ABHD4: variants seen among roughly 807,000 people sequenced by gnomAD.
ABHD4 encodes (Lyso)-N-acylphosphatidylethanolamine lipase.
A neutral mutation model predicts 42.3 loss-of-function variants in ABHD4; 35 were observed. The observed-to-expected ratio is 0.83, with a 90% CI of 0.63 to 1.10. ABHD4 has a LOEUF of 1.10. Among genes scored for constraint, ABHD4 ranks in the 50% least tolerant of loss-of-function variants. The probability of loss-of-function intolerance (pLI) is 0.00; values close to 1 mark genes in which losing one functional copy is unlikely to be tolerated. For synonymous variants in ABHD4, 169 were observed against 170.6 expected, an observed-to-expected ratio of 0.99 and a Z score of 0.07; for missense variants, 389 against 454.8, an observed-to-expected ratio of 0.86 and a Z score of 1.32.
chr14:22,598,861 G>A (rs1403775242), intron 1 of ABHD4: 1 of 198,276 alleles, frequency 5.0e-6, no homozygotes, highest in Non-Finnish European at 1.0e-5. Flanking sequence ...GAGACACGTA[G>A]CCGCATGTGA....
intron 5 of ABHD4, among the ~76,000 whole-genome samples, chr14:22,609,105 C>A (rs554683757): frequency 1.4e-4 from 22 of 152,172 alleles, no homozygotes; most frequent in Admixed American, 1.3e-3. Context: ...TCAAGCAATT[C>A]TCCTACCTCA....
chr14:22,605,664 T>C (rs935444996), intron 4 of ABHD4: 2 of 431,606 alleles, frequency 4.6e-6, no homozygotes, highest in African/African-American at 4.1e-5. Flanking sequence ...AGAGCTATCA[T>C]AGTTGGGGAA....
At position 22,610,886 on chromosome 14, in the gene ABHD4, T is replaced by A; in HGVS notation, c.967T>A (p.Tyr323Asn). Residue 323 changes from tyrosine to asparagine, a missense_variant, in exon 7 of 7, where the codon TAT becomes AAT. Transcript: ENST00000428304. ...GATTAAGGGTGCCTCCCACCATGTC[T>A]ATGCTGACCAGCCACACATCTTCAA... ...MEIKGASHHV[Y>N]ADQPHIFNAV... 3 of 1,614,148 alleles carry A rather than the reference T, an allele frequency of 1.9e-6. No individual in the cohort carries two copies. The South Asian group carries it at 3.3e-5, about 18-fold the overall frequency.
chr14:22,601,796 C>G (rs1261737085), intron 2 of ABHD4, 41 bp downstream of exon 2: 1 of 1,561,780 alleles, frequency 6.4e-7, no homozygotes, highest in Admixed American at 1.7e-5. Context: ...CCTCATGGAG[C>G]CCAAGAAGGA....
chr14:22,603,646 G>C lies in ABHD4; in HGVS notation c.369G>C (p.Glu123Asp). 1 of 1,614,160 alleles carries C rather than the reference G, an allele frequency of 6.2e-7. No individual in the cohort carries two copies. Among genetic ancestry groups the C allele is most frequent in the Non-Finnish European group, 8.5e-7 (1 of 1,180,030 alleles). ...FPRDPEGAED[E>D]FVTSIETWRE... ...GGGACCCGGAGGGGGCTGAGGATGAGTTTGTGACATCGATAGAGACATGGC... is the reference window on the plus strand; with the variant it reads ...GGGACCCGGAGGGGGCTGAGGATGACTTTGTGACATCGATAGAGACATGGC... Residue 123 changes from glutamate to aspartate, a missense_variant, in exon 3 of 7, where the codon GAG becomes GAC. By Grantham distance (45) the Glu-to-Asp change is conservative (BLOSUM62 2). Around this residue, in one of 3 missense-constraint regions of ABHD4, gnomAD observed 38 missense variants for 72.1 expected, o/e 0.53. Coordinates refer to ENST00000428304, the MANE Select transcript of ABHD4 (RefSeq NM_022060.3).
chr14:22,603,845 T>A, intron 3 of ABHD4, 80 bp from the exon 4 acceptor site: 1 of 1,587,170 alleles, frequency 6.3e-7, no homozygotes, highest in Admixed American at 1.7e-5. Context: ...CAAACTTCTC[T>A]CATTCCCAGG....
chr14:22,604,112 G>T, intron 4 of ABHD4, 33 bp downstream of exon 4: 1 of 1,607,148 alleles, frequency 6.2e-7, no homozygotes, highest in Non-Finnish European at 8.5e-7. Context: ...TTAAAGGAAG[G>T]CTATAACGTT....
chr14:22,606,001 G>A, intron 4 of ABHD4: 3 of 443,362 alleles, frequency 6.8e-6, no homozygotes, highest in Non-Finnish European at 8.5e-6. Context: ...GTCGGGAGGT[G>A]GTCTAGTTCC....
At chr14:22,601,538 G>C in intron 1 of ABHD4, 129 bp from the exon 2 acceptor site, 1 of 770,770 alleles carries the variant, frequency 1.3e-6, no homozygotes, top group Non-Finnish European at 2.2e-6. Flanking sequence ...GCCTGCCATG[G>C]GGGGCAGGTC....
intron 1 of ABHD4, chr14:22,599,987 C>A: frequency 3.4e-6 from 1 of 294,894 alleles, no homozygotes; most frequent in Non-Finnish European, 6.9e-6. Context: ...TTGCAAAACA[C>A]TGGGAATGTA....
At chr14:22,606,329 G>C (rs751568145) in intron 4 of ABHD4, 93 bp from the exon 5 acceptor site, 4 of 809,950 alleles carry the variant, frequency 4.9e-6, no homozygotes, top group Non-Finnish European at 8.3e-6. Flanking sequence ...GAGAAATAAG[G>C]TTTAGTTAAA....
At chr14:22,609,497 G>T in intron 5 of ABHD4, 1 of 472,544 alleles carries the variant, frequency 2.1e-6, no homozygotes, top group Admixed American at 3.6e-5. Context: ...CAGATTCTTG[G>T]ACAGTTCGTA....
chr14:22,605,684 C>A, intron 4 of ABHD4: 4 of 506,872 alleles, frequency 7.9e-6, no homozygotes, highest in South Asian at 6.5e-5. Flanking sequence ...AGTTGGCCAG[C>A]AGCCATGAGG....
intron 2 of ABHD4, among the ~76,000 whole-genome samples, chr14:22,602,528 A>T (rs2037297830): frequency 6.6e-6 from 1 of 152,072 alleles, no homozygotes; most frequent in African/African-American, 2.4e-5. Context: ...GCCCCACCTC[A>T]GTCTCTCACC....
Position 22,609,782 on chromosome 14 carries a change from C to G in ABHD4, c.811C>G (p.Leu271Val), listed in dbSNP as rs1479319459. The change falls in exon 6 of 7, where the codon CTG becomes GTG. Residue 271 changes from leucine to valine, a missense_variant. By Grantham distance (32) the Leu-to-Val change is conservative. This residue lies in a region of ABHD4 where 249 missense variants were observed against 254.4 expected (regional missense o/e 0.98). Coordinates refer to ENST00000428304, the MANE Select transcript of ABHD4 (RefSeq NM_022060.3). ...CTTTGGCTGGGCCCGGCGCCCTATGCTGGAGCGAATTCACTTGATTCGAAA... is the reference window on the plus strand; with the variant it reads ...CTTTGGCTGGGCCCGGCGCCCTATGGTGGAGCGAATTCACTTGATTCGAAA... Reference protein sequence around the residue: ...ESFGWARRPMLERIHLIRKDV... With the variant: ...ESFGWARRPMVERIHLIRKDV... 1 of 1,614,010 alleles carries G rather than the reference C, an allele frequency of 6.2e-7. No homozygotes were observed. The highest frequency in any genetic ancestry group is 2.2e-5 in the East Asian group (1 of 44,888).
At chr14:22,610,648 A>C (rs1462233222) in intron 6 of ABHD4, among the ~76,000 whole-genome samples, 1 of 152,250 alleles carries the variant, frequency 6.6e-6, no homozygotes, top group Admixed American at 6.5e-5. Flanking sequence ...AGAAGGAAAG[A>C]CACAGTGAAT....
intron 1 of ABHD4, 73 bp from the exon 2 acceptor site, chr14:22,601,594 C>A: frequency 7.0e-7 from 1 of 1,432,222 alleles, no homozygotes; most frequent in Non-Finnish European, 9.8e-7. Flanking sequence ...TCTTTTGTAA[C>A]TCTCAGCAAG....
Position 22,604,062 on chromosome 14 carries a change from G to A in ABHD4, c.623G>A (p.Arg208Gln), listed in dbSNP as rs368142560. 2.2e-5 allele frequency: 36 copies of A among 1,614,048 alleles called. No individual in the cohort carries two copies. Among genetic ancestry groups the A allele is most frequent in the Admixed American group, 6.7e-5 (4 of 59,998 alleles). ...LGRSNPLAVL[R>Q]VAGPWGPGLV... ...CGTTCCAATCCATTGGCTGTTCTTC[G>A]AGTAGCTGGGCCCTGGGGTGAGTAG... The change falls in exon 4 of 7, where the codon CGA becomes CAA. Residue 208 changes from arginine (R) to glutamine (Q), a missense_variant. Coordinates refer to ENST00000428304, the MANE Select transcript of ABHD4 (RefSeq NM_022060.3).
rs1196367707 is a variant in ABHD4, at chr14:22,606,419, C to G, written c.641-3C>G. On this transcript the variant is annotated splice_polypyrimidine_tract_variant and splice_region_variant and intron_variant, in intron 4 of 6. Transcript: ENST00000428304. ...CTGTCTGTGTTTTTCTATCCCCTCC[C>G]AGGGCCTGGTCTGGTGCAGCGATTC... 5 of 1,609,164 alleles carry G rather than the reference C, an allele frequency of 3.1e-6. No homozygotes were observed. In the South Asian group the frequency reaches 5.6e-5, roughly 18 times the overall value.
Sources: gnomAD v4.1 joint callset for allele counts (sites outside exome capture counted in the v4.1 genomes callset) on GRCh38, gnomAD v4.1.1 for gene constraint, gnomAD v4.1.1 regional missense constraint, MANE v1.5 for transcripts, NCBI Gene and HGNC (gene_info 2026-07-23, HGNC 2026-07-21) for gene names.